Variants in ARHGAP6 observed in about 807,000 individuals in gnomAD.
ARHGAP6 encodes rho GTPase-activating protein 6.
Under a neutral mutation model 55.7 loss-of-function variants are expected in ARHGAP6, and 16 were observed. The ratio of observed to expected loss-of-function variants is 0.29; its 90% CI spans 0.19 to 0.44. ARHGAP6 has a LOEUF of 0.44. ARHGAP6 is among the 20% of genes least tolerant of loss of function. The pLI is 1.00. For synonymous variants in ARHGAP6, 382 were observed against 360.9 expected (o/e 1.06, Z -0.66); for missense variants, 698 against 808.9 (o/e 0.86, Z 1.66).
chrX:11,263,832 G>GC (rs746039265), intron 1 of ARHGAP6, among the ~76,000 whole-genome samples: 28 of 112,002 alleles, frequency 2.5e-4, no homozygotes, highest in Admixed American at 5.7e-4. Flanking sequence ...CATTCCCCAT[G>GC]CCCCATTTTC....
intron 1 of ARHGAP6, among the ~76,000 whole-genome samples, chrX:11,451,297 G>A (rs1379434449): frequency 9.0e-6 from 1 of 111,339 alleles, no homozygotes; most frequent in Non-Finnish European, 1.9e-5. Context: ...TTATCACCAT[G>A]GCCTATAATG....
chrX:11,431,591 CAG>C (rs2049941115), intron 1 of ARHGAP6, among the ~76,000 whole-genome samples: 1 of 111,849 alleles, frequency 8.9e-6, no homozygotes, highest in Admixed American at 9.4e-5. Context: ...CCATTGTTAA[CAG>C]AGTTACTATG....
chrX:11,370,722 A>G (rs987579195), intron 1 of ARHGAP6, among the ~76,000 whole-genome samples: 4 of 111,753 alleles, frequency 3.6e-5, no homozygotes, highest in Non-Finnish European at 7.5e-5. Context: ...CTTAGACCAT[A>G]GTACCTATGG....
chrX:11,547,892 TAATA>T (rs2051226814), intron 1 of ARHGAP6, among the ~76,000 whole-genome samples: 1 of 111,229 alleles, frequency 9.0e-6, no homozygotes, highest in African/African-American at 3.3e-5. Flanking sequence ...GGGAATGGAG[TAATA>T]AATGAGTATC....
At chrX:11,621,890 G>C (rs1016165539) in intron 1 of ARHGAP6, among the ~76,000 whole-genome samples, 5 of 111,330 alleles carry the variant, frequency 4.5e-5, no homozygotes, top group African/African-American at 1.6e-4. Flanking sequence ...AAATTTAGCA[G>C]AGACAAAATA....
chrX:11,348,746 C>A (rs1164709758), intron 1 of ARHGAP6, among the ~76,000 whole-genome samples: 5 of 111,458 alleles, frequency 4.5e-5, no homozygotes, highest in Non-Finnish European at 5.7e-5. Flanking sequence ...ACCTCCTAGG[C>A]TTAAGCGATT....
intron 2 of ARHGAP6, among the ~76,000 whole-genome samples, chrX:11,251,696 T>C (rs1433169773): frequency 8.9e-6 from 1 of 112,019 alleles, no homozygotes; most frequent in East Asian, 2.8e-4. Context: ...ACAGTATTTA[T>C]TTTCCTGTGA....
intron 1 of ARHGAP6, among the ~76,000 whole-genome samples, chrX:11,331,362 T>G (rs966682531): frequency 3.6e-5 from 4 of 111,730 alleles, no homozygotes; most frequent in African/African-American, 1.3e-4. Flanking sequence ...GCTGTCCACA[T>G]ATTGTTGAAC....
At chrX:11,235,880 C>G (rs937985652) in intron 2 of ARHGAP6, among the ~76,000 whole-genome samples, 11 of 111,912 alleles carry the variant, frequency 9.8e-5, no homozygotes, top group African/African-American at 3.2e-5. Context: ...AAGTTTCAAA[C>G]TTTCAAACTT....
At chrX:11,358,452 T>C (rs867866840) in intron 1 of ARHGAP6, among the ~76,000 whole-genome samples, 4 of 87,750 alleles carry the variant, frequency 4.6e-5, no homozygotes, top group African/African-American at 9.0e-5. Flanking sequence ...TTTCTTTCTT[T>C]CTTTCTTTCT....
chrX:11,294,938 T>C, intron 1 of ARHGAP6: 2 of 940,505 alleles, frequency 2.1e-6, no homozygotes, highest in African/African-American at 3.8e-5. Flanking sequence ...TTTAAAACAG[T>C]ATGAGATCAG....
At chrX:11,214,707 C>A (rs1044890476) in intron 2 of ARHGAP6, among the ~76,000 whole-genome samples, 2 of 113,332 alleles carry the variant, frequency 1.8e-5, no homozygotes, top group Non-Finnish European at 3.8e-5. Flanking sequence ...GTGGCCCCAG[C>A]GGCCCACCAC....
intron 1 of ARHGAP6, among the ~76,000 whole-genome samples, chrX:11,378,034 G>A (rs1256389040): frequency 8.9e-6 from 1 of 111,796 alleles, no homozygotes; most frequent in Non-Finnish European, 1.9e-5. Context: ...ACACAGTGGT[G>A]GCTCTAGGCT....
chrX:11,286,027 G>C (rs919207827), intron 1 of ARHGAP6, among the ~76,000 whole-genome samples: 1 of 111,508 alleles, frequency 9.0e-6, no homozygotes, highest in Admixed American at 9.5e-5. Flanking sequence ...ACTTAAGTAA[G>C]GCTCTTTGAG....
intron 1 of ARHGAP6, among the ~76,000 whole-genome samples, chrX:11,362,755 T>A (rs2049029162): frequency 1.8e-5 from 2 of 111,410 alleles, no homozygotes; most frequent in Admixed American, 1.9e-4. Context: ...AGGTACTCCT[T>A]GAGGGATTTT....
At chrX:11,192,691 C>A (rs1008927755) in intron 3 of ARHGAP6, among the ~76,000 whole-genome samples, 1 of 111,693 alleles carries the variant, frequency 9.0e-6, no homozygotes, top group Non-Finnish European at 1.9e-5. Flanking sequence ...ATACAATATG[C>A]TTTCACCAAA....
chrX:11,148,492 C>T (rs941494382), intron 10 of ARHGAP6: 5 of 210,796 alleles, frequency 2.4e-5, no homozygotes, highest in African/African-American at 1.5e-4. Flanking sequence ...CACCAGTCTA[C>T]ATGGGTTTGC....
At chrX:11,172,556 T>C (rs1020625605) in intron 8 of ARHGAP6, among the ~76,000 whole-genome samples, 9 of 111,953 alleles carry the variant, frequency 8.0e-5, no homozygotes, top group Non-Finnish European at 1.5e-4. Flanking sequence ...TTTAAAAGAA[T>C]GTTTCATACG....
At chrX:11,208,181 T>A (rs1384611663) in intron 2 of ARHGAP6, among the ~76,000 whole-genome samples, 1 of 111,189 alleles carries the variant, frequency 9.0e-6, no homozygotes, top group Non-Finnish European at 1.9e-5. Context: ...TCCTGCTGAG[T>A]CCAAGGGCAA....
Sources: gnomAD v4.1 joint callset for allele counts (sites outside exome capture counted in the v4.1 genomes callset) on GRCh38, gnomAD v4.1.1 for gene constraint, MANE v1.5 for transcripts, NCBI Gene and HGNC (gene_info 2026-07-23, HGNC 2026-07-21) for gene names.